HHIP: variants seen among roughly 807,000 people sequenced by gnomAD.
HHIP encodes the protein hedgehog-interacting protein.
In HHIP, 12 loss-of-function variants were observed where a neutral mutation model predicts 74.0. The observed-to-expected ratio is 0.16, with a 90% CI of 0.10 to 0.26. The LOEUF is 0.26. Among genes scored for constraint, HHIP ranks in the 10% least tolerant of loss-of-function variants. The pLI is 1.00. For missense variants in HHIP, 788 were observed against 845.0 expected (o/e 0.93, Z 0.84); for synonymous variants, 309 against 311.6 (o/e 0.99, Z 0.09).
chr4:144,664,478 A>C (rs1478293800), intron 4 of HHIP, among the ~76,000 whole-genome samples: 1 of 152,242 alleles, frequency 6.6e-6, no homozygotes, highest in Non-Finnish European at 1.5e-5. Context: ...AACTTTGTCA[A>C]ACCTTTTTAC....
chr4:144,685,231 A>G (rs1360152836), intron 4 of HHIP, among the ~76,000 whole-genome samples: 1 of 152,238 alleles, frequency 6.6e-6, no homozygotes, highest in East Asian at 1.9e-4. Flanking sequence ...TAGTTGAAGT[A>G]TATATTAAAG....
At chr4:144,722,855 CA>C (rs963174886) in intron 11 of HHIP, among the ~76,000 whole-genome samples, 48 of 140,472 alleles carry the variant, frequency 3.4e-4, no homozygotes, top group East Asian at 4.1e-4. Flanking sequence ...GACTCTGTTT[CA>C]AAAAAAAAAA....
At chr4:144,733,931 A>G (rs1423455964) in intron 11 of HHIP, among the ~76,000 whole-genome samples, 1 of 152,176 alleles carries the variant, frequency 6.6e-6, no homozygotes, top group Non-Finnish European at 1.5e-5. Flanking sequence ...CAGTTGTAGA[A>G]CAATTAAAAT....
intron 1 of HHIP, chr4:144,650,583 G>C (rs1012675049): frequency 1.3e-5 from 2 of 152,114 alleles, no homozygotes; most frequent in Non-Finnish European, 2.9e-5. Flanking sequence ...GGCTGAGTCA[G>C]TTTAATTGAC....
chr4:144,738,271 T>C lies in HHIP; in HGVS notation c.*314T>C. 1 of 986,698 alleles carries C rather than the reference T, an allele frequency of 1.0e-6. No individual in the cohort carries two copies. The highest frequency in any genetic ancestry group is 1.7e-5 in the African/African-American group (1 of 57,638). The allele number at this position is 986,698 out of a possible 1,614,324, so 61.1% of individuals were successfully genotyped here. A position where few individuals can be genotyped will look rare whatever the true frequency, so the allele number is the denominator to read the frequency against. On this transcript the variant is annotated 3_prime_UTR_variant, in exon 13 of 13. Transcript: ENST00000296575. ...ATTGATAATGGATTTTTTATGTTAC[T>C]AGAAGAGATTATTTGACTTCCCAGG...
intron 11 of HHIP, among the ~76,000 whole-genome samples, chr4:144,721,257 T>C (rs997920364): frequency 3.3e-5 from 5 of 152,118 alleles, no homozygotes; most frequent in Admixed American, 6.6e-5. Context: ...ATAGGATTTA[T>C]GTTTTTCCTA....
At chr4:144,710,140 A>C (rs995292805) in intron 7 of HHIP, among the ~76,000 whole-genome samples, 7 of 152,226 alleles carry the variant, frequency 4.6e-5, no homozygotes, top group African/African-American at 1.7e-4. Flanking sequence ...CCAGAGCCAT[A>C]GCTCCAAGCC....
At chr4:144,688,491 A>G (rs1038026012) in intron 4 of HHIP, among the ~76,000 whole-genome samples, 4 of 152,118 alleles carry the variant, frequency 2.6e-5, no homozygotes, top group Non-Finnish European at 1.5e-5. Context: ...AGATTTTCCT[A>G]TCTTGGATGA....
intron 4 of HHIP, among the ~76,000 whole-genome samples, chr4:144,705,517 C>T (rs1292664045): frequency 2.0e-5 from 3 of 152,062 alleles, no homozygotes; most frequent in Non-Finnish European, 2.9e-5. Context: ...TGTTTTTCTC[C>T]GAGAAAGTGC....
At chr4:144,711,280 C>T (rs1730294145) in intron 7 of HHIP, among the ~76,000 whole-genome samples, 1 of 152,096 alleles carries the variant, frequency 6.6e-6, no homozygotes, top group Non-Finnish European at 1.5e-5. Context: ...ATAACTAGTA[C>T]TGTTTTGTGT....
At chr4:144,687,548 G>C (rs1245429028) in intron 4 of HHIP, among the ~76,000 whole-genome samples, 1 of 152,100 alleles carries the variant, frequency 6.6e-6, no homozygotes, top group East Asian at 1.9e-4. Flanking sequence ...TGTGCTCATA[G>C]TGTAGTGAGC....
rs1731323519 is a variant in HHIP, at chr4:144,743,821, TAC to T, written c.*5866_*5867del. The T allele has an allele frequency of 6.6e-6, 1 of 152,142 alleles. No individual in the cohort carries two copies. The highest frequency in any genetic ancestry group is 2.4e-5 in the African/African-American group (1 of 41,460). The allele number at this position is 152,142 out of a possible 1,614,324, so 9.4% of individuals were successfully genotyped here. A position where few individuals can be genotyped will look rare whatever the true frequency, so the allele number is the denominator to read the frequency against. On this transcript the variant is annotated 3_prime_UTR_variant, in exon 13 of 13. Coordinates refer to ENST00000296575, the MANE Select transcript of HHIP (RefSeq NM_022475.3). The stretch of plus-strand genomic sequence containing the variant: ...CTTTGCAGTTACAAACTAATTCTTG[TAC>T]ATTTTCCTTTTCACTAAAAAAATAA...
intron 1 of HHIP, among the ~76,000 whole-genome samples, chr4:144,651,763 C>T (rs893715113): frequency 1.3e-5 from 2 of 148,440 alleles, no homozygotes; most frequent in Admixed American, 6.8e-5. Flanking sequence ...CAAGACCTAT[C>T]TGTCCACTAA....
chr4:144,651,142 A>G (rs1728418149), intron 1 of HHIP, among the ~76,000 whole-genome samples: 2 of 152,166 alleles, frequency 1.3e-5, no homozygotes. Context: ...GGATGATAAA[A>G]GGCATTTAAA....
intron 4 of HHIP, among the ~76,000 whole-genome samples, chr4:144,664,247 G>T (rs1051036389): frequency 6.6e-6 from 1 of 152,188 alleles, no homozygotes. Flanking sequence ...CTAATTGTCC[G>T]GGTGACTGAG....
At chr4:144,647,130 A>G in intron 1 of HHIP, 176 bp downstream of exon 1, 1 of 557,682 alleles carries the variant, frequency 1.8e-6, no homozygotes, top group South Asian at 3.1e-5. Context: ...GGGGTAAGCA[A>G]GTAGCATTTC....
At chr4:144,722,209 T>C (rs139417377) in intron 11 of HHIP, among the ~76,000 whole-genome samples, 2 of 152,284 alleles carry the variant, frequency 1.3e-5, no homozygotes, top group African/African-American at 4.8e-5. Flanking sequence ...TTTCACTTAG[T>C]AATGCCATCT....
chr4:144,680,690 ACTT>A (rs769748154), intron 4 of HHIP, among the ~76,000 whole-genome samples: 3 of 152,172 alleles, frequency 2.0e-5, no homozygotes, highest in Non-Finnish European at 4.4e-5. Context: ...TGATTATTGG[ACTT>A]CTTCTAAATG....
At chr4:144,657,889 A>G (rs910933604) in intron 2 of HHIP, among the ~76,000 whole-genome samples, 1 of 152,194 alleles carries the variant, frequency 6.6e-6, no homozygotes, top group African/African-American at 2.4e-5. Context: ...TATATTTGAA[A>G]ATGGAGGCTC....
Sources: allele counts gnomAD v4.1 joint callset (sites outside exome capture counted in the v4.1 genomes callset), GRCh38; gene constraint gnomAD v4.1.1; transcripts MANE v1.5; gene names NCBI Gene and HGNC (gene_info 2026-07-23, HGNC 2026-07-21).